Variants in FMO5 observed in about 807,000 individuals in gnomAD.
The protein encoded by FMO5 is flavin containing dimethylaniline monoxygenase 5.
A neutral mutation model predicts 43.6 loss-of-function variants in FMO5; 51 were observed. The ratio of observed to expected loss-of-function variants is 1.17; its 90% CI spans 0.93 to 1.48. The LOEUF is 1.48. Among genes scored for constraint, FMO5 ranks in the 40% most tolerant of loss-of-function variants. The pLI is 0.00. For missense variants in FMO5, 644 were observed against 643.0 expected (o/e 1.00, Z -0.02); for synonymous variants, 187 against 216.5 (o/e 0.86, Z 1.20).
chr1:147,190,697 T>A (rs1278491333), intron 7 of FMO5, among the ~76,000 whole-genome samples: 1 of 152,142 alleles, frequency 6.6e-6, no homozygotes, highest in Non-Finnish European at 1.5e-5. Flanking sequence ...GTTTTTATTA[T>A]TATACCTTAA....
downstream of FMO5, chr1:147,184,318 A>G (rs1655436185): frequency 4.8e-6 from 3 of 626,884 alleles, no homozygotes; most frequent in Non-Finnish European, 7.0e-6. This position sits in a 1 kb window ranked among gnomAD's most constrained non-coding sequence, Gnocchi z 4.4. Context: ...CCCACATCCA[A>G]TTTCCTTTAT....
chr1:147,204,998 T>C, intron 6 of FMO5: 3 of 894,916 alleles, frequency 3.4e-6, no homozygotes, highest in Non-Finnish European at 5.5e-6. Flanking sequence ...AAGGTTTTCA[T>C]GCCTGATGAA....
intron 2 of FMO5, among the ~76,000 whole-genome samples, 197 bp downstream of exon 2, chr1:147,224,698 G>A (rs1030703392): frequency 1.3e-5 from 2 of 152,016 alleles, no homozygotes; most frequent in East Asian, 3.9e-4. Context: ...TTTTAGTAGA[G>A]ACGAGGTTTC....
chr1:147,190,372 G>A, intron 7 of FMO5, 123 bp from the exon 8 acceptor site: 1 of 608,316 alleles, frequency 1.6e-6, no homozygotes, highest in Non-Finnish European at 2.9e-6. Flanking sequence ...TACTCAAGGA[G>A]GTTACAATTC....
intron 7 of FMO5, among the ~76,000 whole-genome samples, chr1:147,190,599 G>A (rs945029054): frequency 1.3e-5 from 2 of 152,102 alleles, no homozygotes; most frequent in Non-Finnish European, 2.9e-5. Context: ...AAGGGCAGGG[G>A]AGTGGGAAAA....
chr1:147,225,335 G>C lies in FMO5; in HGVS notation c.-86C>G, dbSNP rs1405216960. The C allele has an allele frequency of 4.9e-5, 18 of 368,194 alleles. No individual in the cohort carries two copies. In the Admixed American group the frequency reaches 7.3e-4, roughly 15 times the overall value. The allele number at this position is 368,194 out of a possible 1,614,324, so 22.8% of individuals were successfully genotyped here. On this transcript the variant is annotated 5_prime_UTR_variant, in exon 1 of 9. Transcript: ENST00000254090. ...GATCCTTCAGCTGCGATCTGGAGGA[G>C]ACTCAACAGGCGGCTGTTGTCAAAT...
rs950779253 is a variant in FMO5, at chr1:147,213,394, C to T, written c.401G>A (p.Gly134Glu). 1.3e-5 allele frequency: 21 copies of T among 1,613,572 alleles called. No individual in the cohort carries two copies. The highest frequency in any genetic ancestry group is 1.7e-5 in the Non-Finnish European group (20 of 1,179,844). The change falls in exon 4 of 9, where the codon GGG (glycine) becomes GAG (glutamate). Residue 134 changes from glycine to glutamate, a missense_variant. By Grantham distance (98) the Gly-to-Glu change is moderately conservative. Coordinates refer to ENST00000254090, the MANE Select transcript of FMO5 (RefSeq NM_001461.4). ...ATCAAAGACATTCATCTCCTTTTTC[C>T]CTTCAGATTCAGTGACCACTTCCCA... is the stretch of plus-strand genomic sequence containing the variant. ...GQWEVVTESE[G>E]KKEMNVFDGV...
chr1:147,202,379 G>GAC (rs1659174314), intron 6 of FMO5, among the ~76,000 whole-genome samples: 1 of 128,492 alleles, frequency 7.8e-6, no homozygotes, highest in Non-Finnish European at 1.6e-5. Context: ...GAGTGCAGTG[G>GAC]CATGATCTTG....
intron 7 of FMO5, among the ~76,000 whole-genome samples, chr1:147,194,273 G>C (rs1460033871): frequency 6.6e-6 from 1 of 152,038 alleles, no homozygotes; most frequent in Non-Finnish European, 1.5e-5. Flanking sequence ...GGCCTTCTTT[G>C]TCTCTTTAGA....
intron 7 of FMO5, among the ~76,000 whole-genome samples, chr1:147,191,778 C>T (rs1423897358): frequency 6.6e-6 from 1 of 152,006 alleles, no homozygotes; most frequent in Non-Finnish European, 1.5e-5. Context: ...ATCCTTTCCC[C>T]ATTTCTTGTT....
chr1:147,204,881 C>T lies in FMO5; in HGVS notation c.831-3377G>A, dbSNP rs1023245684. The T allele has an allele frequency of 2.5e-6, 4 of 1,588,688 alleles. No homozygotes were observed. The African/African-American group carries it at 4.0e-5, about 16-fold the overall frequency. On this transcript the variant is annotated intron_variant, in intron 6 of 8. Transcript: ENST00000254090. ...TCTAATTCTGAAAAGTGTTTCGCTC[C>T]CTCCTTGAGCATCTGGGCGAAGCCC...
chr1:147,208,914 A>G lies in FMO5; in HGVS notation c.768T>C (p.Tyr256=). ...KICGQSLANK[Y]LEKKINQRFD... is the part of the protein sequence containing the mutation. ...ACCTTTGGTTTATCTTTTTTTCCAA[A>G]TATTTGTTTGCTAATGATTGGCCAC... The change falls in exon 6 of 9, where the codon TAT becomes TAC. Residue 256 remains tyrosine, a synonymous_variant. Coordinates refer to ENST00000254090, the MANE Select transcript of FMO5 (RefSeq NM_001461.4). The G allele has an allele frequency of 6.2e-7, 1 of 1,614,042 alleles. No individual in the cohort carries two copies. The highest frequency in any genetic ancestry group is 8.5e-7 in the Non-Finnish European group (1 of 1,179,968).
intron 7 of FMO5, among the ~76,000 whole-genome samples, chr1:147,199,013 G>C (rs1265914588): frequency 6.6e-6 from 1 of 152,112 alleles, no homozygotes; most frequent in African/African-American, 2.4e-5. Context: ...GAAAGTTGCT[G>C]AGTGAAAATA....
chr1:147,193,665 C>T (rs1302143389), intron 7 of FMO5, among the ~76,000 whole-genome samples: 1 of 152,160 alleles, frequency 6.6e-6, no homozygotes, highest in African/African-American at 2.4e-5. Flanking sequence ...TTTCCCTCTA[C>T]ACACTGCTTT....
At chr1:147,208,030 C>A (rs1378189204) in intron 6 of FMO5, among the ~76,000 whole-genome samples, 1 of 152,130 alleles carries the variant, frequency 6.6e-6, no homozygotes, top group Non-Finnish European at 1.5e-5. Flanking sequence ...GCATAGACCT[C>A]CTCACTGTGA....
chr1:147,203,432 C>A, intron 6 of FMO5: 1 of 847,748 alleles, frequency 1.2e-6, no homozygotes, highest in Non-Finnish European at 2.1e-6. Context: ...GTATCTAGAA[C>A]ACCAGCTTCC....
In FMO5 at chr1:147,201,310, G is replaced by A; in HGVS notation, c.1025C>T (p.Ser342Phe). Residue 342 changes from serine (S) to phenylalanine (F), a missense_variant, in exon 7 of 9, where the codon TCC (serine) becomes TTC (phenylalanine). Coordinates refer to ENST00000254090, the MANE Select transcript of FMO5 (RefSeq NM_001461.4). ...YSFDFPFLED[S>F]VKVVKNKISL... is the part of the protein sequence containing the mutation. ...TATCTTGTTTTTGACCACTTTGACG[G>A]AATCTTCCAGAAATGGAAAGTCAAA... 6.2e-7 allele frequency: 1 copy of A among 1,614,118 alleles called. No individual in the cohort carries two copies. The highest frequency in any genetic ancestry group is 8.5e-7 in the Non-Finnish European group (1 of 1,180,006).
rs782495748 is a variant in FMO5 at position 147,187,215 on chromosome 1, CTGA to C, written c.1284_1286del (p.Ile428_Gln429delinsMet). Reference sequence around the variant, plus strand: ...CTTCCATGGTATCTATGTAGTCTCCCTGAATGGTATGGCGTTGGCTCTCCACAT... The same window carrying C: ...CTTCCATGGTATCTATGTAGTCTCCCATGGTATGGCGTTGGCTCTCCACAT... On this transcript the variant is annotated inframe_deletion, in exon 9 of 9. Coordinates refer to ENST00000254090, the MANE Select transcript of FMO5 (RefSeq NM_001461.4). 13 of 1,613,116 alleles carry C rather than the reference CTGA, an allele frequency of 8.1e-6. No individual in the cohort carries two copies. The Admixed American group carries it at 2.2e-4, about 27-fold the overall frequency.
At chr1:147,212,758 C>T (rs1661293253) in intron 4 of FMO5, among the ~76,000 whole-genome samples, 1 of 152,144 alleles carries the variant, frequency 6.6e-6, no homozygotes, top group East Asian at 1.9e-4. Context: ...CTTTGCTTAA[C>T]TCAGGATGTG....
Sources: gnomAD v4.1 joint callset for allele counts (sites outside exome capture counted in the v4.1 genomes callset) on GRCh38, gnomAD v4.1.1 for gene constraint, Gnocchi (gnomAD v3.1) non-coding constraint, MANE v1.5 for transcripts, NCBI Gene and HGNC (gene_info 2026-07-23, HGNC 2026-07-21) for gene names.